RCN2: variants seen among roughly 807,000 people sequenced by gnomAD.
The protein encoded by RCN2 is reticulocalbin 2, also known as reticulocalbin-2.
In RCN2, 23 loss-of-function variants were observed where a neutral mutation model predicts 37.5. That is an observed-to-expected ratio of 0.61 (90% CI 0.44 to 0.87). RCN2 has a LOEUF of 0.87. Ranked by LOEUF, RCN2 falls within the 40% of genes least tolerant of loss-of-function variation. The pLI, the probability that RCN2 is intolerant of heterozygous loss-of-function variation, is 0.00. For missense variants in RCN2, 381 were observed against 390.4 expected, an observed-to-expected ratio of 0.98 and a Z score of 0.20; for synonymous variants, 140 against 144.6, an observed-to-expected ratio of 0.97 and a Z score of 0.23.
At chr15:76,941,406 G>T in intron 3 of RCN2, 1 of 354,584 alleles carries the variant, frequency 2.8e-6, no homozygotes, top group Non-Finnish European at 5.0e-6. Context: ...ATTTGTTCTA[G>T]TATCACACAT....
intron 3 of RCN2, chr15:76,942,998 T>G (rs147586495): frequency 6.6e-6 from 1 of 152,332 alleles, no homozygotes; most frequent in East Asian, 1.9e-4. Flanking sequence ...ACTAATATTA[T>G]GAGATTCTCA....
intron 3 of RCN2, chr15:76,943,181 G>A (rs942067167): frequency 6.6e-6 from 1 of 152,370 alleles, no homozygotes; most frequent in African/African-American, 2.4e-5. Context: ...GTATAGTACT[G>A]TAGAAAGAAT....
At chr15:76,942,451 C>A (rs987567199) in intron 3 of RCN2, 3 of 152,090 alleles carry the variant, frequency 2.0e-5, no homozygotes, top group African/African-American at 7.2e-5. Context: ...TACAGAATTA[C>A]CATTGAAAAT....
At chr15:76,945,497 T>C (rs1382443793) in intron 4 of RCN2, among the ~76,000 whole-genome samples, 1 of 152,246 alleles carries the variant, frequency 6.6e-6, no homozygotes, top group Non-Finnish European at 1.5e-5. Context: ...TCAAAACTTT[T>C]GTTGAATTGT....
intron 3 of RCN2, among the ~76,000 whole-genome samples, chr15:76,940,237 G>A (rs548653442): frequency 2.0e-5 from 3 of 151,884 alleles, no homozygotes; most frequent in Admixed American, 2.0e-4. Context: ...GGCTGAAGTA[G>A]GAGGATTGCT....
chr15:76,932,355 C>G lies in RCN2; in HGVS notation c.145-6C>G. 2 of 1,609,288 alleles carry G rather than the reference C, an allele frequency of 1.2e-6. No homozygotes were observed. The highest frequency in any genetic ancestry group is 1.7e-6 in the Non-Finnish European group (2 of 1,175,918). On this transcript the variant is annotated splice_region_variant and splice_polypyrimidine_tract_variant and intron_variant, in intron 1 of 6. Transcript: ENST00000394885. ...TGGCCCTCCTGTGTGTCGCTTCCCC[C>G]TAAAGGAAGATGTGGATGAATATGT...
intron 1 of RCN2, 30 bp from the exon 2 acceptor site, chr15:76,932,331 G>T: frequency 1.3e-6 from 2 of 1,532,694 alleles, no homozygotes; most frequent in Non-Finnish European, 1.8e-6. Context: ...AGTAATGCTT[G>T]GCCCTCCTGT....
chr15:76,932,083 G>T, intron 1 of RCN2, 98 bp downstream of exon 1: 1 of 1,168,226 alleles, frequency 8.6e-7, no homozygotes, highest in Non-Finnish European at 1.1e-6. Flanking sequence ...GCGAGGCCTG[G>T]CAGGGGCGGC....
rs2075321979 is a variant in RCN2 at position 76,951,809 on chromosome 15, C to T, written c.*2587C>T. On this transcript the variant is annotated 3_prime_UTR_variant, in exon 7 of 7. Coordinates refer to ENST00000394885, the MANE Select transcript of RCN2 (RefSeq NM_002902.3). Reference sequence around the variant, plus strand: ...TGATTCTGCCTGAAGGACTTAATGACTTCCATTATTTGAGTTCAGGTACAA... The same window carrying T: ...TGATTCTGCCTGAAGGACTTAATGATTTCCATTATTTGAGTTCAGGTACAA... 1 of 152,146 alleles carries T rather than the reference C, an allele frequency of 6.6e-6. No homozygotes were observed. The highest frequency in any genetic ancestry group is 1.5e-5 in the Non-Finnish European group (1 of 68,024). The allele number at this position is 152,146 out of a possible 1,614,324, so 9.4% of individuals were successfully genotyped here.
chr15:76,935,039 C>T (rs1018186289), intron 2 of RCN2, among the ~76,000 whole-genome samples: 1 of 152,006 alleles, frequency 6.6e-6, no homozygotes, highest in African/African-American at 2.4e-5. Context: ...AGTATGGAAG[C>T]TCCGGCCAGG....
chr15:76,937,550 G>T (rs2075257513), intron 3 of RCN2, among the ~76,000 whole-genome samples: 1 of 152,006 alleles, frequency 6.6e-6, no homozygotes, highest in Non-Finnish European at 1.5e-5. Flanking sequence ...TGGGATTTCA[G>T]GCTCAAGCCA....
intron 3 of RCN2, among the ~76,000 whole-genome samples, chr15:76,941,040 T>C (rs191926221): frequency 6.6e-6 from 1 of 152,036 alleles, no homozygotes; most frequent in East Asian, 1.9e-4. Context: ...TTTTTGTTTT[T>C]GTTTTTGTTT....
intron 3 of RCN2, chr15:76,941,603 A>C (rs1360275103): frequency 7.7e-7 from 1 of 1,291,416 alleles, no homozygotes; most frequent in East Asian, 2.5e-5. Context: ...TTGAAGTTTT[A>C]TGAAACTGAC....
intron 2 of RCN2, among the ~76,000 whole-genome samples, chr15:76,933,732 C>G (rs1365868591): frequency 6.6e-6 from 1 of 152,212 alleles, no homozygotes; most frequent in East Asian, 1.9e-4. Context: ...CTGTTTTCTT[C>G]TATGCCATGG....
Position 76,932,322 on chromosome 15 carries a change from G to A in RCN2, c.145-39G>A, listed in dbSNP as rs770443698. ...TCTCCACCATTTTGCCCCACTGATA[G>A]TAATGCTTGGCCCTCCTGTGTGTCG... On this transcript the variant is annotated intron_variant, in intron 1 of 6. Transcript: ENST00000394885. The A allele has an allele frequency of 1.9e-5, 28 of 1,500,962 alleles. No homozygotes were observed. The East Asian group carries it at 4.3e-4, about 23-fold the overall frequency. The allele number at this position is 1,500,962 out of a possible 1,614,324, so 93.0% of individuals were successfully genotyped here.
chr15:76,944,440 C>T (rs1194723990), intron 4 of RCN2, among the ~76,000 whole-genome samples: 1 of 151,998 alleles, frequency 6.6e-6, no homozygotes, highest in African/African-American at 2.4e-5. Flanking sequence ...TATAGTCAAC[C>T]CTGTTATGCT....
chr15:76,945,443 T>C (rs933221087), intron 4 of RCN2, among the ~76,000 whole-genome samples: 1 of 152,220 alleles, frequency 6.6e-6, no homozygotes, highest in African/African-American at 2.4e-5. Context: ...TTAAGTATAA[T>C]GAGTCCTCTC....
chr15:76,950,796 G>A lies in RCN2; in HGVS notation c.*1574G>A, dbSNP rs2075317506. Reference sequence around the variant, plus strand: ...AGTTGTCTCATATACAGCACACTGGGGGCTCAACAAGTACCTATGACTATT... The same window carrying A: ...AGTTGTCTCATATACAGCACACTGGAGGCTCAACAAGTACCTATGACTATT... On this transcript the variant is annotated 3_prime_UTR_variant, in exon 7 of 7. Transcript: ENST00000394885. 2.0e-5 allele frequency: 3 copies of A among 152,174 alleles called. No individual in the cohort carries two copies. The South Asian group carries it at 6.2e-4, about 32-fold the overall frequency. 9.4% of individuals were successfully genotyped at this position (152,174 alleles called of 1,614,324 possible).
Position 76,945,938 on chromosome 15 carries a change from C to T in RCN2, c.562-1483C>T, listed in dbSNP as rs79536968. Among the ~76,000 whole-genome samples, 263 of 152,132 alleles carry T rather than the reference C, an allele frequency of 1.7e-3. 2 individuals are homozygous for T. Among genetic ancestry groups the T allele is most frequent in the African/African-American group, 5.7e-3 (235 of 41,500 alleles). On this transcript the variant is annotated intron_variant, in intron 4 of 6. Coordinates refer to ENST00000394885, the MANE Select transcript of RCN2 (RefSeq NM_002902.3). Reference sequence around the variant, plus strand: ...TAAGTTGGGAAAAGCTAATTGAGCCCAAGAATGACAGGCAAAGGATGCTAG... The same window carrying T: ...TAAGTTGGGAAAAGCTAATTGAGCCTAAGAATGACAGGCAAAGGATGCTAG...
Sources: allele counts gnomAD v4.1 joint callset (sites outside exome capture counted in the v4.1 genomes callset), GRCh38; gene constraint gnomAD v4.1.1; transcripts MANE v1.5; gene names NCBI Gene and HGNC (gene_info 2026-07-23, HGNC 2026-07-21).